The following ZNF274 variants were observed in gnomAD, a reference collection of about 807,000 sequenced individuals.
The protein encoded by ZNF274 is neurotrophin receptor-interacting factor homolog.
In ZNF274, 23 loss-of-function variants were observed where a neutral mutation model predicts 42.5. That is an observed-to-expected ratio of 0.54 (90% confidence interval 0.39 to 0.77). The LOEUF is 0.77. ZNF274 is among the 30% of genes least tolerant of loss of function. The pLI, the probability that ZNF274 is intolerant of heterozygous loss-of-function variation, is 0.00. For missense variants in ZNF274, 679 were observed against 806.5 expected (o/e 0.84, Z 1.91); for synonymous variants, 292 against 305.4 (o/e 0.96, Z 0.46).
chr19:58,191,491 C>G (rs751879198), intron 4 of ZNF274, among the ~76,000 whole-genome samples: 1 of 152,202 alleles, frequency 6.6e-6, no homozygotes, highest in Non-Finnish European at 1.5e-5. Flanking sequence ...CAGGCTGTGA[C>G]AAGTCTGCGT....
intron 4 of ZNF274, among the ~76,000 whole-genome samples, chr19:58,191,830 T>C (rs1175409861): frequency 1.3e-5 from 2 of 152,222 alleles, no homozygotes; most frequent in East Asian, 1.9e-4. Context: ...CAGATACTTA[T>C]GGAGGGCCTT....
chr19:58,211,008 G>A lies in ZNF274; in HGVS notation c.853-552G>A, dbSNP rs1451338866. The A allele has an allele frequency of 2.0e-5, 3 of 152,218 alleles. No individual in the cohort carries two copies. Among genetic ancestry groups the A allele is most frequent in the Non-Finnish European group, 4.4e-5 (3 of 68,150 alleles). The allele number at this position is 152,218 out of a possible 1,614,324, so 9.4% of individuals were successfully genotyped here. A position where few individuals can be genotyped will look rare whatever the true frequency, so the allele number is the denominator to read the frequency against. On this transcript the variant is annotated intron_variant, in intron 6 of 7. Transcript: ENST00000617501. This position sits in a 1 kb window ranked among gnomAD's most constrained non-coding sequence, Gnocchi z 4.8. ...TGGGATTATAGGTGTGAGCCACTGC[G>A]CGTGGCCACTCCCCTTTCTTCTTAG... is the stretch of plus-strand genomic sequence containing the variant.
In ZNF274 at chr19:58,207,092, T is replaced by C; in HGVS notation, c.629T>C (p.Leu210Pro). ...GAGCTGCTGGTGCTGGAGCAGTTCC[T>C]AGGTGCACTGCCTGTGAAGCTCCGG... Reference protein sequence around the residue: ...ILELLVLEQFLGALPVKLRTW... With the variant: ...ILELLVLEQFPGALPVKLRTW... Residue 210 changes from leucine (L) to proline (P), a missense_variant, in exon 5 of 8, where the codon CTA becomes CCA. By Grantham distance (98) the Leu-to-Pro change is moderately conservative. Transcript: ENST00000617501. This position sits in a 1 kb window ranked among gnomAD's most constrained non-coding sequence, Gnocchi z 5.6. The C allele has an allele frequency of 6.2e-7, 1 of 1,613,872 alleles. No homozygotes were observed. Among genetic ancestry groups the C allele is most frequent in the Non-Finnish European group, 8.5e-7 (1 of 1,179,928 alleles).
At chr19:58,210,913 A>C (rs1329337342) in intron 6 of ZNF274, 1 of 151,982 alleles carries the variant, frequency 6.6e-6, no homozygotes, top group Admixed American at 6.6e-5. Context: ...ACGGGGTTTC[A>C]CCATGTTGGC....
chr19:58,206,895 T>A lies in ZNF274; in HGVS notation c.432T>A (p.Ser144Arg). The A allele has an allele frequency of 1.9e-6, 3 of 1,613,744 alleles. No individual in the cohort carries two copies. Among genetic ancestry groups the A allele is most frequent in the Non-Finnish European group, 2.5e-6 (3 of 1,179,774 alleles). ...GAAGCCTGAGTGCAGATGCCCCCAG[T>A]GAGCAGGTCCAACAGCAGGGCAAGC... ...EDGSLSADAP[S>R]EQVQQQGKHP... is the part of the protein sequence containing the mutation. Residue 144 changes from serine to arginine, a missense_variant, in exon 5 of 8, where the codon AGT becomes AGA. Transcript: ENST00000617501.
At chr19:58,209,779 A>G (rs2076019405) in intron 5 of ZNF274, 182 bp from the exon 6 acceptor site, 3 of 533,156 alleles carry the variant, frequency 5.6e-6, no homozygotes, top group Non-Finnish European at 1.0e-5. Flanking sequence ...AGGTGTGGGC[A>G]CTCGGGCACG....
chr19:58,206,941 G>A lies in ZNF274; in HGVS notation c.478G>A (p.Ala160Thr), dbSNP rs781621896. The change falls in exon 5 of 8, where the codon GCG (alanine) becomes ACG (threonine). Residue 160 changes from alanine (A) to threonine (T), a missense_variant. By Grantham distance (58) the Ala-to-Thr change is moderately conservative. Transcript: ENST00000617501. ...CAAGCATCCAGGTGACCCTGAGGCC[G>A]CGCGCCAGAGGTTCCGGCAGTTCCG... ...QGKHPGDPEA[A>T]RQRFRQFRYK... The A allele has an allele frequency of 8.1e-6, 13 of 1,611,594 alleles. No individual in the cohort carries two copies. The East Asian group carries it at 8.9e-5, about 11-fold the overall frequency.
intron 4 of ZNF274, among the ~76,000 whole-genome samples, chr19:58,194,777 G>A (rs976141438): frequency 1.3e-5 from 2 of 152,122 alleles, no homozygotes; most frequent in African/African-American, 4.8e-5. Flanking sequence ...GGAGGCCAAG[G>A]CGGGTGGATC....
Position 58,207,245 on chromosome 19 carries a change from C to T in ZNF274, c.739+43C>T, listed in dbSNP as rs1244434212. 1.9e-6 allele frequency: 3 copies of T among 1,561,274 alleles called. No individual in the cohort carries two copies. The highest frequency in any genetic ancestry group is 2.6e-6 in the Non-Finnish European group (3 of 1,153,704). ...TAGAGGGACAGCTTAATGAGGGTGT[C>T]TTGGAGTACCCTGTGGGGGAGATAA... On this transcript the variant is annotated intron_variant, in intron 5 of 7. Coordinates refer to ENST00000617501, the MANE Select transcript of ZNF274 (RefSeq NM_133502.3). The surrounding 1 kb of genome is among the most constrained non-coding windows in gnomAD (Gnocchi z 5.6).
intron 6 of ZNF274, chr19:58,210,657 C>T (rs191399975): frequency 5.0e-4 from 77 of 152,538 alleles, no homozygotes; most frequent in African/African-American, 1.1e-3. Flanking sequence ...TCCAGGTGCT[C>T]CCAGGTGATG....
intron 4 of ZNF274, among the ~76,000 whole-genome samples, chr19:58,201,411 A>G (rs1371556592): frequency 2.0e-5 from 3 of 151,958 alleles, no homozygotes; most frequent in Non-Finnish European, 4.4e-5. Context: ...CCTCCAACAC[A>G]GCATCACTTT....
At chr19:58,203,561 A>G (rs1247433487) in intron 4 of ZNF274, among the ~76,000 whole-genome samples, 3 of 148,190 alleles carry the variant, frequency 2.0e-5, no homozygotes, top group Non-Finnish European at 4.5e-5. Flanking sequence ...GTGGGCGACT[A>G]AGAGCGAAAC....
At chr19:58,201,563 C>T (rs1376019243) in intron 4 of ZNF274, among the ~76,000 whole-genome samples, 2 of 150,656 alleles carry the variant, frequency 1.3e-5, no homozygotes, top group Non-Finnish European at 2.9e-5. Context: ...GTCGCCCAGG[C>T]TGGAGTGCAG....
chr19:58,201,847 C>T (rs1383372009), intron 4 of ZNF274, among the ~76,000 whole-genome samples: 2 of 152,110 alleles, frequency 1.3e-5, no homozygotes, highest in Non-Finnish European at 2.9e-5. Context: ...CATTTGCTTC[C>T]TGGGACTGTG....
intron 4 of ZNF274, among the ~76,000 whole-genome samples, chr19:58,191,224 G>A (rs2075775069): frequency 1.3e-5 from 2 of 152,130 alleles, no homozygotes; most frequent in African/African-American, 4.8e-5. Flanking sequence ...TGTAACCTCT[G>A]CCTCCCAGGT....
chr19:58,199,034 A>G (rs1162688005), intron 4 of ZNF274, among the ~76,000 whole-genome samples: 1 of 151,896 alleles, frequency 6.6e-6, no homozygotes, highest in Non-Finnish European at 1.5e-5. Flanking sequence ...AAAATTAGCC[A>G]TGTGTGCTGG....
At chr19:58,194,626 C>A (rs2075818329) in intron 4 of ZNF274, among the ~76,000 whole-genome samples, 1 of 151,956 alleles carries the variant, frequency 6.6e-6, no homozygotes, top group Non-Finnish European at 1.5e-5. Flanking sequence ...AGTGATCCTC[C>A]CACCTGGGCC....
chr19:58,190,151 C>CTT (rs527745785), intron 4 of ZNF274, among the ~76,000 whole-genome samples: 43 of 130,832 alleles, frequency 3.3e-4, no homozygotes, highest in African/African-American at 7.1e-4. Flanking sequence ...TTATCTCTCT[C>CTT]TTTTTTTTTT....
rs2075869859 is a variant in ZNF274, at chr19:58,198,472, A to AGG, written c.257-8248_257-8247insGG. 2.0e-5 allele frequency among the ~76,000 whole-genome samples: 3 copies of AGG among 151,698 alleles called. No individual in the cohort carries two copies. The South Asian group carries it at 6.2e-4, about 32-fold the overall frequency. ...ATATACTAAAATTGGAACAGTACAGAAGATGAGCATAAAAATTTAAAAATA... is the reference window on the plus strand; with the variant it reads ...ATATACTAAAATTGGAACAGTACAGAGGAGATGAGCATAAAAATTTAAAAATA... On this transcript the variant is annotated intron_variant, in intron 4 of 7. Coordinates refer to ENST00000617501, the MANE Select transcript of ZNF274 (RefSeq NM_133502.3).
Sources: allele counts gnomAD v4.1 joint callset (sites outside exome capture counted in the v4.1 genomes callset), GRCh38; gene constraint gnomAD v4.1.1; non-coding constraint Gnocchi (gnomAD v3.1); transcripts MANE v1.5; gene names NCBI Gene and HGNC (gene_info 2026-07-23, HGNC 2026-07-21).